The following SFMBT1 variants were observed in gnomAD, a reference collection of about 807,000 sequenced individuals.
The protein encoded by SFMBT1 is Scm like with four mbt domains 1.
In SFMBT1, 32 loss-of-function variants were observed where a neutral mutation model predicts 108.7. The observed-to-expected ratio is 0.29, with a 90% CI of 0.22 to 0.40. SFMBT1 has a LOEUF of 0.40. Ranked by LOEUF, SFMBT1 falls within the 10% of genes least tolerant of loss-of-function variation. The pLI is 1.00. For synonymous variants in SFMBT1, 348 were observed against 369.5 expected (o/e 0.94, Z 0.67); for missense variants, 816 against 1,059.6 (o/e 0.77, Z 3.19).
At chr3:52,952,042 G>A (rs1278558206) in intron 3 of SFMBT1, among the ~76,000 whole-genome samples, 1 of 152,236 alleles carries the variant, frequency 6.6e-6, no homozygotes, top group Non-Finnish European at 1.5e-5. Flanking sequence ...ACATGACTGA[G>A]TTTTTACACA....
rs2106779169 is a variant in SFMBT1, at chr3:52,920,600, T to G, written c.1309A>C (p.Ile437Leu). The change falls in exon 12 of 21, where the codon ATA (isoleucine) becomes CTA (leucine). Residue 437 changes from isoleucine to leucine, a missense_variant. By Grantham distance (5) the Ile-to-Leu change is conservative. Around this residue, in one of 5 missense-constraint regions of SFMBT1, gnomAD observed 495 missense variants for 607.4 expected, o/e 0.81. Transcript: ENST00000394752. ...GTTTCACACCAGCCCAAAGGAAATA[T>G]ATCCATGGATTCCACACTCACAATA... ...ECIVSVESMD[I>L]FPLGWCETNG... The G allele has an allele frequency of 6.2e-7, 1 of 1,614,120 alleles. No individual in the cohort carries two copies. Among genetic ancestry groups the G allele is most frequent in the East Asian group, 2.2e-5 (1 of 44,880 alleles).
Position 52,969,161 on chromosome 3 carries a change from A to C in SFMBT1, c.-33T>G. The C allele has an allele frequency of 4.3e-6, 7 of 1,613,224 alleles. No individual in the cohort carries two copies. Among genetic ancestry groups the C allele is most frequent in the Non-Finnish European group, 5.9e-6 (7 of 1,179,702 alleles). The stretch of plus-strand genomic sequence containing the variant: ...GCATATAGGCAGGCTATATCCTCCC[A>C]AAACAAAGGAAAGGCCTATGGTTCT... On this transcript the variant is annotated 5_prime_UTR_variant, in exon 2 of 21. Coordinates refer to ENST00000394752, the MANE Select transcript of SFMBT1 (RefSeq NM_016329.4).
At chr3:53,008,543 T>C (rs991965772) in intron 1 of SFMBT1, among the ~76,000 whole-genome samples, 6 of 151,394 alleles carry the variant, frequency 4.0e-5, no homozygotes, top group Non-Finnish European at 4.4e-5. Flanking sequence ...TAGTGTTGCA[T>C]AACAAAAAAG....
In SFMBT1 at chr3:52,992,295, A is replaced by C. The variant is rs151053673; in HGVS notation, c.-130-23037T>G. On this transcript the variant is annotated intron_variant, in intron 1 of 20. Transcript: ENST00000394752. ...CAGTTTATCTGTAGCCCAAAACAGA[A>C]TACAAAAGAATAAAGTATTGTTTAT... Among the ~76,000 whole-genome samples the C allele has an allele frequency of 1.1e-4, 17 of 152,328 alleles. No individual in the cohort carries two copies. The East Asian group carries it at 2.5e-3, about 22-fold the overall frequency.
At chr3:53,009,903 G>C (rs545778772) in intron 1 of SFMBT1, among the ~76,000 whole-genome samples, 1 of 152,028 alleles carries the variant, frequency 6.6e-6, no homozygotes, top group African/African-American at 2.4e-5. Flanking sequence ...TCATCCTCAC[G>C]GTCTTCACAC....
intron 2 of SFMBT1, among the ~76,000 whole-genome samples, chr3:52,965,614 T>C (rs1419267906): frequency 1.3e-5 from 2 of 152,056 alleles, no homozygotes; most frequent in South Asian, 2.1e-4. Flanking sequence ...CAGGATTCCA[T>C]ATCCAGCAAA....
intron 3 of SFMBT1, among the ~76,000 whole-genome samples, chr3:52,953,709 T>C (rs1687258843): frequency 1.3e-5 from 2 of 152,218 alleles, no homozygotes; most frequent in East Asian, 3.9e-4. Flanking sequence ...TGTAACAAAG[T>C]ACAATAATTT....
At chr3:52,911,535 A>T (rs764810854) in intron 16 of SFMBT1, among the ~76,000 whole-genome samples, 17 of 152,334 alleles carry the variant, frequency 1.1e-4, no homozygotes, top group Middle Eastern at 3.4e-3. Context: ...ACTGTTATCC[A>T]AGGACCAGTA....
intron 3 of SFMBT1, among the ~76,000 whole-genome samples, chr3:52,945,032 G>A (rs1015050214): frequency 6.6e-6 from 1 of 150,480 alleles, no homozygotes; most frequent in African/African-American, 2.4e-5. Flanking sequence ...TCAAATTCCC[G>A]ATCTCAAGCA....
At chr3:52,996,842 G>C (rs1281749812) in intron 1 of SFMBT1, among the ~76,000 whole-genome samples, 2 of 150,062 alleles carry the variant, frequency 1.3e-5, no homozygotes, top group African/African-American at 4.9e-5. Flanking sequence ...GGCAGAGATG[G>C]GCAGATCATG....
At chr3:52,921,878 T>TA in intron 10 of SFMBT1, 47 bp from the exon 11 acceptor site, 1 of 1,591,804 alleles carries the variant, frequency 6.3e-7, no homozygotes, top group African/African-American at 1.3e-5. Context: ...AACACAGTAT[T>TA]AACTCACGTG....
At chr3:52,912,424 C>T (rs529190190) in intron 16 of SFMBT1, 114 bp downstream of exon 16, 31 of 745,298 alleles carry the variant, frequency 4.2e-5, no homozygotes, top group South Asian at 2.4e-4. Context: ...GTGATCCGCC[C>T]GCCTCGGCCT....
chr3:52,951,132 AG>A (rs1559523669), intron 3 of SFMBT1, among the ~76,000 whole-genome samples: 1 of 148,384 alleles, frequency 6.7e-6, no homozygotes. Context: ...AAAAAAAAAA[AG>A]AAAAATCCAA....
At chr3:52,941,372 T>A (rs569913043) in intron 4 of SFMBT1, among the ~76,000 whole-genome samples, 1 of 151,948 alleles carries the variant, frequency 6.6e-6, no homozygotes, top group African/African-American at 2.4e-5. Context: ...AGCGGGCAGA[T>A]CACCTGAGGT....
At chr3:52,981,577 C>T (rs1334983517) in intron 1 of SFMBT1, among the ~76,000 whole-genome samples, 2 of 146,196 alleles carry the variant, frequency 1.4e-5, no homozygotes, top group Admixed American at 1.4e-4. Flanking sequence ...CGAGGTCTCA[C>T]TACATTGAGC....
At chr3:53,043,770 C>CTTAA (rs377061088) in intron 1 of SFMBT1, among the ~76,000 whole-genome samples, 301 of 152,292 alleles carry the variant, frequency 2.0e-3, no homozygotes, top group Non-Finnish European at 2.6e-3. Flanking sequence ...TTCTGGATTA[C>CTTAA]AAAAACCCTA....
chr3:52,916,264 A>G (rs1191054254), intron 13 of SFMBT1, 50 bp from the exon 14 acceptor site: 3 of 1,533,280 alleles, frequency 2.0e-6, no homozygotes, highest in Non-Finnish European at 2.7e-6. Context: ...TAAGATCAGT[A>G]AAGTGTGAGG....
chr3:53,006,489 C>T (rs1170024494), intron 1 of SFMBT1, among the ~76,000 whole-genome samples: 2 of 151,974 alleles, frequency 1.3e-5, no homozygotes, highest in East Asian at 1.9e-4. Context: ...ATCAGCCGGG[C>T]GTGTTGGCAC....
chr3:52,954,123 T>G (rs1467842252), intron 3 of SFMBT1, among the ~76,000 whole-genome samples, 194 bp downstream of exon 3: 2 of 150,816 alleles, frequency 1.3e-5, no homozygotes, highest in Non-Finnish European at 2.9e-5. Flanking sequence ...AGACTCCATC[T>G]CAAAAAAAAA....
Sources: allele counts gnomAD v4.1 joint callset (sites outside exome capture counted in the v4.1 genomes callset), GRCh38; gene constraint gnomAD v4.1.1; regional missense constraint gnomAD v4.1.1; transcripts MANE v1.5; gene names NCBI Gene and HGNC (gene_info 2026-07-23, HGNC 2026-07-21).